The following TTN variants were observed in gnomAD, a reference collection of about 807,000 sequenced individuals.
TTN encodes the protein titin, also known as connectin.
A neutral mutation model predicts 3,223.0 loss-of-function variants in TTN; 1,525 were observed. The ratio of observed to expected loss-of-function variants is 0.47; its 90% CI spans 0.45 to 0.49. The LOEUF (loss-of-function observed/expected upper bound fraction) is 0.49. Ranked by LOEUF, TTN falls within the 20% of genes least tolerant of loss-of-function variation. The probability of loss-of-function intolerance (pLI) is 0.00; values close to 1 mark genes in which losing one functional copy is unlikely to be tolerated. For synonymous variants in TTN, 14,094 were observed against 15,161.0 expected (o/e 0.93, Z 5.17); for missense variants, 40,786 against 43,424.0 (o/e 0.94, Z 5.40).
At position 178,575,458 on chromosome 2, in the gene TTN, G is replaced by C. The variant is rs761993177; in HGVS notation, c.70674C>G (p.His23558Gln). 1 of 1,613,484 alleles carries C rather than the reference G, an allele frequency of 6.2e-7. No homozygotes were observed. The highest frequency in any genetic ancestry group is 1.1e-5 in the South Asian group (1 of 91,070). ...TVSLAWPKPK[H>Q]DGGSKITGYV... is the part of the protein sequence containing the mutation. ...AGCCAGTGATCTTGCTGCCACCATC[G>C]TGTTTGGGCTTAGGCCATGCCAGGC... is the stretch of plus-strand genomic sequence containing the variant. The change falls in exon 326 of 363, where the codon CAC becomes CAG. Residue 23558 changes from histidine (H) to glutamine (Q), a missense_variant. By Grantham distance (24) the His-to-Gln change is conservative. Coordinates refer to ENST00000589042, the MANE Select transcript of TTN (RefSeq NM_001267550.2). This position sits in a 1 kb window ranked among gnomAD's most constrained non-coding sequence, Gnocchi z 4.0.
At position 178,784,208 on chromosome 2, in the gene TTN, T is replaced by G; in HGVS notation, c.2637A>C (p.Pro879=). 1.9e-6 allele frequency: 3 copies of G among 1,614,188 alleles called. No individual in the cohort carries two copies. In the African/African-American group the frequency reaches 4.0e-5, roughly 22 times the overall value. Residue 879 remains proline (P), a synonymous_variant, in exon 16 of 363, where the codon CCA becomes CCC. Transcript: ENST00000589042. ...CTGGTGTGTCAGCGAAGGGGAACTG[T>G]GGCAAGGGTGTGGGCTCTGCCCTTA... The part of the protein sequence containing the change: ...TRVRAEPTPL[P]QFPFADTPDT...
chr2:178,748,158 G>A, intron 47 of TTN: 1 of 1,613,152 alleles, frequency 6.2e-7, no homozygotes, highest in Non-Finnish European at 8.5e-7. Flanking sequence ...TTCTCAGAAA[G>A]ATCAGTTTCT....
At chr2:178,594,320 G>C (rs765612751) in intron 296 of TTN, 24 bp downstream of exon 296, 12 of 1,589,736 alleles carry the variant, frequency 7.5e-6, no homozygotes, top group African/African-American at 1.4e-5. Flanking sequence ...AGTTTCAGAA[G>C]TATAAATTGT....
In TTN at chr2:178,532,168, T is replaced by C. The variant is rs761087225; in HGVS notation, c.104447A>G (p.Glu34816Gly). The C allele has an allele frequency of 1.9e-6, 3 of 1,613,652 alleles. No homozygotes were observed. The highest frequency in any genetic ancestry group is 2.5e-6 in the Non-Finnish European group (3 of 1,179,836). The change falls in exon 358 of 363, where the codon GAG (glutamate) becomes GGG (glycine). Residue 34816 changes from glutamate (E) to glycine (G), a missense_variant. Coordinates refer to ENST00000589042, the MANE Select transcript of TTN (RefSeq NM_001267550.2). ...ATGTTTTGAGATTTCGTATTCTTCC[T>C]CAATTTCTGTTATTTCTGTCACTTC... ...QREVTEITEI[E>G]EEYEISKHAQ...
Position 178,714,504 on chromosome 2 carries a change from G to C in TTN, c.26270C>G (p.Thr8757Ser). ...TVVGKEVQLQ[T>S]TIEGAEPISV... is the part of the protein sequence containing the mutation. ...AATGGGTTCAGCGCCTTCAATGGTA[G>C]TCTGCAGCTGAACTTCTTTACCAAC... The change falls in exon 91 of 363, where the codon ACT becomes AGT. Residue 8757 changes from threonine to serine, a missense_variant. By Grantham distance (58) the Thr-to-Ser change is moderately conservative. Coordinates refer to ENST00000589042, the MANE Select transcript of TTN (RefSeq NM_001267550.2). 1 of 1,613,316 alleles carries C rather than the reference G, an allele frequency of 6.2e-7. No individual in the cohort carries two copies. Among genetic ancestry groups the C allele is most frequent in the Non-Finnish European group, 8.5e-7 (1 of 1,179,586 alleles).
intron 102 of TTN, 67 bp from the exon 103 acceptor site, chr2:178,705,424 ATTCAAAG>A: frequency 8.2e-7 from 1 of 1,221,226 alleles, no homozygotes; most frequent in South Asian, 1.7e-5. Flanking sequence ...GTCTATCATC[ATTCAAAG>A]ATTATATACT....
In TTN at chr2:178,528,761, T is replaced by C. The variant is rs781108499; in HGVS notation, c.106990A>G (p.Ile35664Val). ...TCATCTCTGTGACTGGCTTGCTTGATGGTTAGGGTCTGATCGCTGCCTGAG... is the reference window on the plus strand; with the variant it reads ...TCATCTCTGTGACTGGCTTGCTTGACGGTTAGGGTCTGATCGCTGCCTGAG... ...GVSGSDQTLTIKQASHRDEGI... is the reference protein window; with the variant it reads ...GVSGSDQTLTVKQASHRDEGI... Residue 35664 changes from isoleucine to valine, a missense_variant, in exon 360 of 363, where the codon ATC (isoleucine) becomes GTC (valine). Coordinates refer to ENST00000589042, the MANE Select transcript of TTN (RefSeq NM_001267550.2). The C allele has an allele frequency of 1.5e-5, 25 of 1,613,050 alleles. No individual in the cohort carries two copies. Among genetic ancestry groups the C allele is most frequent in the East Asian group, 4.5e-5 (2 of 44,848 alleles).
At chr2:178,695,257 G>T in intron 115 of TTN, 91 bp downstream of exon 115, 1 of 955,434 alleles carries the variant, frequency 1.0e-6, no homozygotes, top group Non-Finnish European at 1.6e-6. Context: ...TGTGCCTATT[G>T]GATTGAACTG....
Position 178,609,440 on chromosome 2 carries a change from T to C in TTN, c.51870A>G (p.Pro17290=), listed in dbSNP as rs1060503957. The change falls in exon 273 of 363, where the codon CCA becomes CCG. Residue 17290 remains proline (P), a synonymous_variant. Coordinates refer to ENST00000589042, the MANE Select transcript of TTN (RefSeq NM_001267550.2). ...TWIKDENVIV[P]EEIKKRAAPL... is the part of the protein sequence containing the mutation. ...GTGCTGCACGCTTCTTAATTTCCTC[T>C]GGTACAATAACATTTTCATCCTTTA... The C allele has an allele frequency of 6.2e-7, 1 of 1,612,368 alleles. No homozygotes were observed. The highest frequency in any genetic ancestry group is 8.5e-7 in the Non-Finnish European group (1 of 1,179,098).
chr2:178,534,580 A>G lies in TTN; in HGVS notation c.102035T>C (p.Ile34012Thr). The G allele has an allele frequency of 1.2e-6, 2 of 1,613,922 alleles. No homozygotes were observed. Among genetic ancestry groups the G allele is most frequent in the South Asian group, 1.1e-5 (1 of 91,082 alleles). The change falls in exon 358 of 363, where the codon ATC becomes ACC. Residue 34012 changes from isoleucine to threonine, a missense_variant. Physicochemically the swap from Ile to Thr is moderately conservative, Grantham distance 89. Transcript: ENST00000589042. ...GTLVYVLLSG[I>T]NPFLAETNQQ... is the part of the protein sequence containing the mutation. ...GTTAGTTTCAGCCAGGAATGGGTTG[A>G]TACCACTCAATAGCACATATACCAG...
Position 178,574,356 on chromosome 2 carries a change from C to A in TTN, c.71776G>T (p.Asp23926Tyr), listed in dbSNP as rs755974144. The A allele has an allele frequency of 6.2e-7, 1 of 1,613,444 alleles. No individual in the cohort carries two copies. The highest frequency in any genetic ancestry group is 8.5e-7 in the Non-Finnish European group (1 of 1,179,656). ...SEPMLALDPI[D>Y]PPGKPVPLNI... ...AGAGGTACTGGTTTTCCAGGTGGGT[C>A]AATGGGATCCAGAGCCAACATAGGT... The change falls in exon 326 of 363, where the codon GAC becomes TAC. Residue 23926 changes from aspartate (D) to tyrosine (Y), a missense_variant. Coordinates refer to ENST00000589042, the MANE Select transcript of TTN (RefSeq NM_001267550.2).
rs754850872 is a variant in TTN at position 178,564,340 on chromosome 2, A to G, written c.81792T>C (p.Ile27264=). ...FSEPSDSSGA[I]TARDEIDAPN... is the part of the protein sequence containing the mutation. ...GTGCATCAATTTCATCTCTTGCAGT[A>G]ATGGCACCACTACTATCAGATGGTT... Residue 27264 remains isoleucine (I), a synonymous_variant, in exon 326 of 363, where the codon ATT becomes ATC. Transcript: ENST00000589042. 29 of 1,613,592 alleles carry G rather than the reference A, an allele frequency of 1.8e-5. No homozygotes were observed. The highest frequency in any genetic ancestry group is 2.5e-5 in the Non-Finnish European group (29 of 1,179,742).
Position 178,619,726 on chromosome 2 carries a change from C to T in TTN, c.46591G>A (p.Gly15531Arg), listed in dbSNP as rs761815745. 1.8e-5 allele frequency: 29 copies of T among 1,612,246 alleles called. No homozygotes were observed. Among genetic ancestry groups the T allele is most frequent in the Middle Eastern group, 3.3e-4 (2 of 6,068 alleles). The change falls in exon 250 of 363, where the codon GGA (glycine) becomes AGA (arginine). Residue 15531 changes from glycine to arginine, a missense_variant. Coordinates refer to ENST00000589042, the MANE Select transcript of TTN (RefSeq NM_001267550.2). ...CAAATCTGTAGTCGATGTATCTTTC[C>T]TTCACTCATCATCTGGTGTTTATCA... ...QGDKHQMMSE[G>R]KIHRLQICDI...
Position 178,618,267 on chromosome 2 carries a change from G to A in TTN, c.47191C>T (p.Arg15731Cys), listed in dbSNP as rs72677231. The change falls in exon 252 of 363, where the codon CGT (arginine) becomes TGT (cysteine). Residue 15731 changes from arginine (R) to cysteine (C), a missense_variant. By Grantham distance (180) the Arg-to-Cys change is radical (BLOSUM62 -3). Coordinates refer to ENST00000589042, the MANE Select transcript of TTN (RefSeq NM_001267550.2). Reference sequence around the variant, plus strand: ...CCAACTCTGTTTCTTGCACTCACACGGAATAGGTACTCAACTCCTCCTTTC... The same window carrying A: ...CCAACTCTGTTTCTTGCACTCACACAGAATAGGTACTCAACTCCTCCTTTC... ...LQKGGVEYLF[R>C]VSARNRVGTG... 3.4e-3 allele frequency: 5,483 copies of A among 1,612,720 alleles called. 11 individuals are homozygous for A. Among genetic ancestry groups the A allele is most frequent in the Non-Finnish European group, 4.2e-3 (4,936 of 1,179,148 alleles).
In TTN at chr2:178,719,683, T is replaced by C; in HGVS notation, c.23809A>G (p.Ile7937Val). ...GAAGCCACTTTATTGATGAATGTAA[T>C]GTGATGTTTGCTGTCTGCAGACAAT... ...RELSADSKHH[I>V]TFINKVASLK... The change falls in exon 82 of 363, where the codon ATT (isoleucine) becomes GTT (valine). Residue 7937 changes from isoleucine (I) to valine (V), a missense_variant. Transcript: ENST00000589042. The C allele has an allele frequency of 6.2e-7, 1 of 1,613,702 alleles. No individual in the cohort carries two copies. Among genetic ancestry groups the C allele is most frequent in the Non-Finnish European group, 8.5e-7 (1 of 1,179,718 alleles).
chr2:178,607,712 A>T, intron 276 of TTN, 27 bp from the exon 277 acceptor site: 1 of 1,611,898 alleles, frequency 6.2e-7, no homozygotes, highest in Non-Finnish European at 8.5e-7. Context: ...GTCATGCATT[A>T]GCCCATGAAA....
Position 178,566,216 on chromosome 2 carries a change from A to G in TTN, c.79916T>C (p.Ile26639Thr), listed in dbSNP as rs771730962. The G allele has an allele frequency of 3.7e-6, 6 of 1,613,662 alleles. No individual in the cohort carries two copies. The East Asian group carries it at 6.7e-5, about 18-fold the overall frequency. Reference sequence around the variant, plus strand: ...TTGGGTATAGTTTACTCCCTTTTCAATTTGGACCTTATCTGTGAATTCACC... The same window carrying G: ...TTGGGTATAGTTTACTCCCTTTTCAGTTTGGACCTTATCTGTGAATTCACC... The part of the protein sequence containing the change: ...EEGEFTDKVQ[I>T]EKGVNYTQLS... The change falls in exon 326 of 363, where the codon ATT becomes ACT. Residue 26639 changes from isoleucine (I) to threonine (T), a missense_variant. By Grantham distance (89) the Ile-to-Thr change is moderately conservative. Coordinates refer to ENST00000589042, the MANE Select transcript of TTN (RefSeq NM_001267550.2).
chr2:178,722,402 T>C lies in TTN; in HGVS notation c.22385A>G (p.Asp7462Gly), dbSNP rs750133852. 17 of 1,613,368 alleles carry C rather than the reference T, an allele frequency of 1.1e-5. No homozygotes were observed. In the African/African-American group the frequency reaches 1.7e-4, roughly 16 times the overall value. Residue 7462 changes from aspartate (D) to glycine (G), a missense_variant, in exon 77 of 363, where the codon GAT (aspartate) becomes GGT (glycine). Coordinates refer to ENST00000589042, the MANE Select transcript of TTN (RefSeq NM_001267550.2). ...TACAAATGAAGTCTGTAGATTTTCA[T>C]CGTCTCTTAAAAGTACTCCATCTCT... ...WYRDGVLLRD[D>G]ENLQTSFVDN... is the part of the protein sequence containing the mutation.
At position 178,672,673 on chromosome 2, in the gene TTN, G is replaced by A. The variant is rs1335157697; in HGVS notation, c.34817C>T (p.Pro11606Leu). 1 of 1,609,320 alleles carries A rather than the reference G, an allele frequency of 6.2e-7. No individual in the cohort carries two copies. The highest frequency in any genetic ancestry group is 8.5e-7 in the Non-Finnish European group (1 of 1,177,362). ...TGCCTCTTTTTTCTGAACAGGAACA[G>A]GTACTTTTTCCTCAGGAATTTTCTT... is the stretch of plus-strand genomic sequence containing the variant. ...VSKKIPEEKVPVPVQKKEAPP... is the reference protein window; with the variant it reads ...VSKKIPEEKVLVPVQKKEAPP... Residue 11606 changes from proline (P) to leucine (L), a missense_variant, in exon 153 of 363, where the codon CCT (proline) becomes CTT (leucine). Physicochemically the swap from Pro to Leu is moderately conservative, Grantham distance 98. Coordinates refer to ENST00000589042, the MANE Select transcript of TTN (RefSeq NM_001267550.2).
Sources: allele counts gnomAD v4.1 joint callset, GRCh38; gene constraint gnomAD v4.1.1; non-coding constraint Gnocchi (gnomAD v3.1); transcripts MANE v1.5; gene names NCBI Gene and HGNC (gene_info 2026-07-23, HGNC 2026-07-21).